Variants in MYOF observed in about 807,000 individuals in gnomAD.
The protein encoded by MYOF is fer-1-like 3, myoferlin.
MYOF carries 244 observed loss-of-function variants against 284.2 expected under a neutral mutation model. The ratio of observed to expected loss-of-function variants is 0.86; its 90% CI spans 0.77 to 0.95. MYOF has a LOEUF of 0.95. MYOF is among the 40% of genes least tolerant of loss of function. The pLI, the probability that MYOF is intolerant of heterozygous loss-of-function variation, is 0.00. For synonymous variants in MYOF, 904 were observed against 919.7 expected (o/e 0.98, Z 0.31); for missense variants, 2,496 against 2,560.6 (o/e 0.97, Z 0.54).
chr10:93,409,171 G>A (rs562521467), intron 6 of MYOF, among the ~76,000 whole-genome samples: 1 of 152,250 alleles, frequency 6.6e-6, no homozygotes, highest in East Asian at 1.9e-4. Flanking sequence ...GAAAGGGCAG[G>A]GCAGGTGGAG....
chr10:93,466,705 T>C (rs1341887891), intron 1 of MYOF, among the ~76,000 whole-genome samples: 6 of 152,254 alleles, frequency 3.9e-5, no homozygotes, highest in Admixed American at 6.5e-5. Flanking sequence ...CTGGGCGCAG[T>C]GCTCACACCT....
chr10:93,394,246 C>A (rs11187412), intron 16 of MYOF, among the ~76,000 whole-genome samples: 10,437 of 151,190 alleles, frequency 0.069, 446 homozygotes, highest in African/African-American at 0.11. Flanking sequence ...GGATTACAGA[C>A]ACCTGCCACC....
rs770619411 is a variant in MYOF at position 93,396,176 on chromosome 10, G to A, written c.1383C>T (p.Leu461=). Residue 461 remains leucine, a synonymous_variant, in exon 16 of 54, where the codon CTC becomes CTT. Transcript: ENST00000359263. ...NDVVGTTYLH[L]SKIAASGGEV... Reference sequence around the variant, plus strand: ...CCCCACCAGAGGCAGCAATTTTAGAGAGGTGTAGATATGTTGTTCCAACTA... The same window carrying A: ...CCCCACCAGAGGCAGCAATTTTAGAAAGGTGTAGATATGTTGTTCCAACTA... The A allele has an allele frequency of 4.7e-5, 76 of 1,609,872 alleles. No homozygotes were observed. Among genetic ancestry groups the A allele is most frequent in the Non-Finnish European group, 6.4e-5 (75 of 1,177,678 alleles).
At chr10:93,437,355 C>T (rs1297811666) in intron 3 of MYOF, among the ~76,000 whole-genome samples, 3 of 152,038 alleles carry the variant, frequency 2.0e-5, no homozygotes, top group African/African-American at 7.2e-5. Context: ...TAGCACGGCG[C>T]AAATGTGAAG....
intron 3 of MYOF, among the ~76,000 whole-genome samples, chr10:93,446,640 G>A (rs2056437408): frequency 6.6e-6 from 1 of 152,068 alleles, no homozygotes; most frequent in African/African-American, 2.4e-5. Flanking sequence ...AAGTAACCAA[G>A]ACCAGCTTCA....
Position 93,306,994 on chromosome 10 carries a change from A to AAAT in MYOF, c.6152_6154dup (p.Tyr2051dup). 1.2e-6 allele frequency: 2 copies of AAAT among 1,613,050 alleles called. No individual in the cohort carries two copies. The highest frequency in any genetic ancestry group is 4.5e-5 in the East Asian group (2 of 44,882). The stretch of plus-strand genomic sequence containing the variant: ...ATTTGGCTTTACAATCTTCATTGAC[A>AAAT]AATAGTTCTGGAAAGGAAACAAAAA... On this transcript the variant is annotated inframe_insertion, in exon 54 of 54. Transcript: ENST00000359263.
intron 7 of MYOF, among the ~76,000 whole-genome samples, chr10:93,408,233 T>C (rs1005058583): frequency 2.0e-5 from 3 of 151,906 alleles, no homozygotes; most frequent in Non-Finnish European, 4.4e-5. Context: ...TCTTTTAGAT[T>C]GTCCCAAGTG....
At chr10:93,377,214 A>G in intron 22 of MYOF, 109 bp downstream of exon 22, 1 of 803,350 alleles carries the variant, frequency 1.2e-6, no homozygotes, top group Non-Finnish European at 2.0e-6. Context: ...ATAATTCAAA[A>G]TCACTTCTTA....
At chr10:93,348,698 G>A (rs996984323) in intron 36 of MYOF, among the ~76,000 whole-genome samples, 4 of 152,080 alleles carry the variant, frequency 2.6e-5, no homozygotes, top group Non-Finnish European at 5.9e-5. Context: ...GGGCATTGGG[G>A]TTGTAAGGAC....
At chr10:93,372,792 A>G (rs2133969771) in intron 24 of MYOF, 138 bp downstream of exon 24, 1 of 1,011,572 alleles carries the variant, frequency 9.9e-7, no homozygotes, top group Non-Finnish European at 1.5e-6. Flanking sequence ...TGCCCCAGAG[A>G]GAGGGACCAG....
In MYOF at chr10:93,372,991, G is replaced by A; in HGVS notation, c.2396C>T (p.Ser799Phe). 1 of 1,614,192 alleles carries A rather than the reference G, an allele frequency of 6.2e-7. No homozygotes were observed. The part of the protein sequence containing the change: ...ARIPAHQVLY[S>F]TSGENASGKY... ...TCCAGATGCATTCTCACCACTGGTG[G>A]AGTACAAGACCTGATGTGCGGGAAT... is the stretch of plus-strand genomic sequence containing the variant. The change falls in exon 24 of 54, where the codon TCC becomes TTC. Residue 799 changes from serine (S) to phenylalanine (F), a missense_variant. Coordinates refer to ENST00000359263, the MANE Select transcript of MYOF (RefSeq NM_013451.4).
intron 53 of MYOF, 132 bp from the exon 54 acceptor site, chr10:93,307,133 CA>C: frequency 1.3e-6 from 1 of 772,770 alleles, no homozygotes; most frequent in African/African-American, 1.8e-5. Context: ...GTGTCCTGTG[CA>C]TTGTAGGATG....
At chr10:93,336,417 ACACACAAC>A (rs1207356135) in intron 40 of MYOF, among the ~76,000 whole-genome samples, 1 of 152,076 alleles carries the variant, frequency 6.6e-6, no homozygotes, top group Non-Finnish European at 1.5e-5. Flanking sequence ...AACTATGAAT[ACACACAAC>A]CACATGATGA....
chr10:93,355,534 C>T (rs1002681777), intron 31 of MYOF, 94 bp downstream of exon 31: 38 of 945,232 alleles, frequency 4.0e-5, no homozygotes, highest in Middle Eastern at 3.3e-4. Flanking sequence ...GAGCCAAGAT[C>T]GTACCACTGC....
At chr10:93,389,371 A>ACT (rs930237113) in intron 17 of MYOF, among the ~76,000 whole-genome samples, 5 of 152,226 alleles carry the variant, frequency 3.3e-5, no homozygotes, top group Non-Finnish European at 7.3e-5. Flanking sequence ...GCGCAGATAA[A>ACT]CTTATTTTTA....
At chr10:93,374,082 G>T (rs574546923) in intron 23 of MYOF, among the ~76,000 whole-genome samples, 2 of 152,090 alleles carry the variant, frequency 1.3e-5, no homozygotes, top group East Asian at 3.9e-4. Flanking sequence ...TCATTGTTCA[G>T]TTCCCACCTA....
At chr10:93,335,144 C>T (rs776058288) in intron 41 of MYOF, among the ~76,000 whole-genome samples, 10 of 152,130 alleles carry the variant, frequency 6.6e-5, no homozygotes, top group East Asian at 1.9e-4. Context: ...TTTGAGCTGG[C>T]GCTTAAAAGA....
At chr10:93,421,599 G>A (rs182949099) in intron 5 of MYOF, among the ~76,000 whole-genome samples, 8 of 152,254 alleles carry the variant, frequency 5.3e-5, no homozygotes, top group African/African-American at 7.2e-5. Context: ...TGGCTTCTCC[G>A]CAGTAATGAA....
intron 22 of MYOF, among the ~76,000 whole-genome samples, chr10:93,375,182 A>C (rs1042536791): frequency 2.0e-5 from 3 of 152,228 alleles, no homozygotes. Context: ...GGGAGATTAA[A>C]ATCCCAAAGC....
Sources: allele counts gnomAD v4.1 joint callset (sites outside exome capture counted in the v4.1 genomes callset), GRCh38; gene constraint gnomAD v4.1.1; transcripts MANE v1.5; gene names NCBI Gene and HGNC (gene_info 2026-07-23, HGNC 2026-07-21).